ARHGAP26: variants seen among roughly 807,000 people sequenced by gnomAD.
The protein encoded by ARHGAP26 is Rho GTPase activating protein 26.
Under a neutral mutation model 104.8 loss-of-function variants are expected in ARHGAP26, and 38 were observed. That is an observed-to-expected ratio of 0.36 (90% CI 0.28 to 0.48). ARHGAP26 has a LOEUF of 0.48. Ranked by LOEUF, ARHGAP26 falls within the 20% of genes least tolerant of loss-of-function variation. ARHGAP26 has a pLI of 0.99. For missense variants in ARHGAP26, 704 were observed against 947.9 expected, an observed-to-expected ratio of 0.74 and a Z score of 3.38; for synonymous variants, 341 against 340.0, an observed-to-expected ratio of 1.00 and a Z score of -0.03.
chr5:143,218,361 C>G (rs1207224934), intron 22 of ARHGAP26, among the ~76,000 whole-genome samples: 2 of 152,184 alleles, frequency 1.3e-5, no homozygotes, highest in Non-Finnish European at 2.9e-5. Flanking sequence ...ATCTGGTCTG[C>G]TTGTTCTGTG....
chr5:142,792,663 C>T (rs915803936), intron 1 of ARHGAP26, among the ~76,000 whole-genome samples: 1 of 152,126 alleles, frequency 6.6e-6, no homozygotes, highest in Non-Finnish European at 1.5e-5. Flanking sequence ...GAAATTAGTT[C>T]ATGACCTAGA....
In ARHGAP26 at chr5:142,783,002, C is replaced by T. The variant is rs116028946; in HGVS notation, c.154+12087C>T. 2.2e-3 allele frequency among the ~76,000 whole-genome samples: 337 copies of T among 152,304 alleles called. 1 individual carries two copies. Among genetic ancestry groups the T allele is most frequent in the African/African-American group, 7.6e-3 (314 of 41,560 alleles). ...TGGAAACCCGAATTTCCTATACCCC[C>T]GCCCCCACTCCCTTCCATCTCACCC... On this transcript the variant is annotated intron_variant, in intron 1 of 22. Coordinates refer to ENST00000645722, the MANE Select transcript of ARHGAP26 (RefSeq NM_001135608.3).
chr5:142,979,698 C>G (rs1178970856), intron 11 of ARHGAP26, among the ~76,000 whole-genome samples: 3 of 152,230 alleles, frequency 2.0e-5, no homozygotes, highest in Non-Finnish European at 4.4e-5. Flanking sequence ...GTATTGTTTG[C>G]CTTCCAGGCA....
intron 11 of ARHGAP26, among the ~76,000 whole-genome samples, chr5:142,995,844 G>A (rs1013148645): frequency 6.6e-6 from 1 of 152,170 alleles, no homozygotes; most frequent in Non-Finnish European, 1.5e-5. Context: ...AAAAAAGAAT[G>A]CATTCATGTC....
intron 20 of ARHGAP26, among the ~76,000 whole-genome samples, chr5:143,150,821 T>C (rs72799981): frequency 0.015 from 2,333 of 152,328 alleles, 26 homozygotes; most frequent in Non-Finnish European, 0.022. Context: ...GTAAAACCTC[T>C]AGAAGATAAC....
chr5:142,943,660 G>A lies in ARHGAP26; in HGVS notation c.1107+11535G>A, dbSNP rs151181123. On this transcript the variant is annotated intron_variant, in intron 11 of 22. Coordinates refer to ENST00000645722, the MANE Select transcript of ARHGAP26 (RefSeq NM_001135608.3). The stretch of plus-strand genomic sequence containing the variant: ...ACCATAATGCCCACCTACCTTTAAG[G>A]ATATTTAGAAATCCACTGTTCATTA... Among the ~76,000 whole-genome samples, 1,121 of 152,172 alleles carry A rather than the reference G, an allele frequency of 7.4e-3. 7 individuals are homozygous for A. The highest frequency in any genetic ancestry group is 0.012 in the Non-Finnish European group (786 of 67,984).
intron 5 of ARHGAP26, among the ~76,000 whole-genome samples, chr5:142,892,081 G>A (rs1288695042): frequency 6.6e-6 from 1 of 151,934 alleles, no homozygotes; most frequent in East Asian, 1.9e-4. Flanking sequence ...AATTGAGAGG[G>A]AGTGTTGAAA....
chr5:143,089,327 G>A (rs1255448450), intron 17 of ARHGAP26, among the ~76,000 whole-genome samples: 1 of 152,138 alleles, frequency 6.6e-6, no homozygotes, highest in Non-Finnish European at 1.5e-5. Context: ...ACAAGAATAA[G>A]TACACCCATT....
intron 1 of ARHGAP26, among the ~76,000 whole-genome samples, chr5:142,798,160 T>G (rs1045310640): frequency 1.3e-5 from 2 of 152,206 alleles, no homozygotes; most frequent in Admixed American, 6.5e-5. Context: ...CTTAAAACCC[T>G]TTAGTTGTCT....
intron 17 of ARHGAP26, among the ~76,000 whole-genome samples, chr5:143,082,959 A>G (rs1048464553): frequency 1.3e-5 from 2 of 152,220 alleles, no homozygotes; most frequent in South Asian, 2.1e-4. Flanking sequence ...TCATAGCTAA[A>G]TATCATATTC....
chr5:143,049,986 T>C (rs1784771633), intron 14 of ARHGAP26, among the ~76,000 whole-genome samples: 1 of 152,192 alleles, frequency 6.6e-6, no homozygotes, highest in African/African-American at 2.4e-5. Context: ...GCCTGGATTA[T>C]AATCTTATGA....
chr5:142,962,547 A>G (rs1251020866), intron 11 of ARHGAP26, among the ~76,000 whole-genome samples: 2 of 152,214 alleles, frequency 1.3e-5, no homozygotes, highest in Non-Finnish European at 2.9e-5. Context: ...TAGGCTGCCA[A>G]CCAGAAATCC....
At chr5:142,976,652 A>AT (rs1432438436) in intron 11 of ARHGAP26, among the ~76,000 whole-genome samples, 1 of 152,182 alleles carries the variant, frequency 6.6e-6, no homozygotes, top group Non-Finnish European at 1.5e-5. Context: ...GGGAAAAGAT[A>AT]TTTTTTTACA....
chr5:143,068,504 A>G (rs747404100), intron 17 of ARHGAP26, among the ~76,000 whole-genome samples: 24 of 152,224 alleles, frequency 1.6e-4, no homozygotes, highest in Non-Finnish European at 3.2e-4. Context: ...TTCCTGGGAC[A>G]CTAGAGCCGA....
intron 17 of ARHGAP26, among the ~76,000 whole-genome samples, chr5:143,108,337 T>C (rs1794306300): frequency 6.6e-6 from 1 of 152,188 alleles, no homozygotes; most frequent in Non-Finnish European, 1.5e-5. Flanking sequence ...CTCTAGGATG[T>C]TTTTCACCTT....
chr5:142,961,986 C>T (rs561090144), intron 11 of ARHGAP26, among the ~76,000 whole-genome samples: 1 of 152,312 alleles, frequency 6.6e-6, no homozygotes, highest in East Asian at 1.9e-4. Flanking sequence ...TCCTAACCCT[C>T]AGCATTCCCA....
intron 8 of ARHGAP26, 61 bp downstream of exon 8, chr5:142,903,730 G>A: frequency 6.4e-7 from 1 of 1,573,356 alleles, no homozygotes. Context: ...AGAAGGTGGA[G>A]GATGTATTCA....
At chr5:143,075,621 ACACTAAAG>A (rs1271562175) in intron 17 of ARHGAP26, among the ~76,000 whole-genome samples, 1 of 152,222 alleles carries the variant, frequency 6.6e-6, no homozygotes, top group Non-Finnish European at 1.5e-5. Context: ...ATTTCTATTT[ACACTAAAG>A]TTTGGGAACT....
chr5:142,989,991 A>G (rs989052907), intron 11 of ARHGAP26, among the ~76,000 whole-genome samples: 3 of 151,824 alleles, frequency 2.0e-5, no homozygotes, highest in Non-Finnish European at 4.4e-5. Flanking sequence ...CTGAATTTGA[A>G]TGTTGGCCTG....
Sources: allele counts gnomAD v4.1 joint callset (sites outside exome capture counted in the v4.1 genomes callset), GRCh38; gene constraint gnomAD v4.1.1; transcripts MANE v1.5; gene names NCBI Gene and HGNC (gene_info 2026-07-23, HGNC 2026-07-21).